ACSL1: variants seen among roughly 807,000 people sequenced by gnomAD.
ACSL1 encodes the protein long-chain-fatty-acid--CoA ligase 1.
In ACSL1, 41 loss-of-function variants were observed where a neutral mutation model predicts 98.4. That is an observed-to-expected ratio of 0.42 (90% CI 0.32 to 0.54). The LOEUF (loss-of-function observed/expected upper bound fraction) is 0.54, where lower values mean the gene tolerates loss of function less well. Ranked by LOEUF, ACSL1 falls within the 20% of genes least tolerant of loss-of-function variation. The pLI is 0.13. For synonymous variants in ACSL1, 316 were observed against 322.7 expected (o/e 0.98, Z 0.22); for missense variants, 734 against 883.1 (o/e 0.83, Z 2.14).
intron 1 of ACSL1, chr4:184,815,093 CG>C (rs1772503008): frequency 2.2e-6 from 1 of 456,056 alleles, no homozygotes; most frequent in African/African-American, 2.0e-5. Context: ...CTGATAACCA[CG>C]GCAGGTAGGG....
chr4:184,803,250 T>C lies in ACSL1; in HGVS notation c.195+70A>G, dbSNP rs554162969. On this transcript the variant is annotated intron_variant, in intron 2 of 20. Transcript: ENST00000281455. This position sits in a 1 kb window ranked among gnomAD's most constrained non-coding sequence, Gnocchi z 4.8. ...ATATTTGATCTTGATGGCTATCACA[T>C]TCAACAGGGCTCAGCTCATCTGGGG... The C allele has an allele frequency of 1.6e-4, 215 of 1,339,260 alleles. No individual in the cohort carries two copies. The highest frequency in any genetic ancestry group is 2.1e-4 in the Middle Eastern group (1 of 4,740). The allele number at this position is 1,339,260 out of a possible 1,614,324, so 83.0% of individuals were successfully genotyped here.
At chr4:184,775,808 T>TC (rs1344289450) in intron 7 of ACSL1, among the ~76,000 whole-genome samples, 1 of 152,232 alleles carries the variant, frequency 6.6e-6, no homozygotes, top group African/African-American at 2.4e-5. Context: ...GACTCTGTTT[T>TC]CCTATGACTT....
chr4:184,791,077 G>A (rs1768267080), intron 2 of ACSL1, among the ~76,000 whole-genome samples: 1 of 152,220 alleles, frequency 6.6e-6, no homozygotes, highest in Admixed American at 6.5e-5. Flanking sequence ...AGACATGCAG[G>A]TGGCCTGGCC....
intron 2 of ACSL1, among the ~76,000 whole-genome samples, chr4:184,801,262 G>A (rs1041724859): frequency 1.3e-5 from 2 of 152,216 alleles, no homozygotes; most frequent in Admixed American, 6.5e-5. Flanking sequence ...CGTGGGTTGT[G>A]ATGAGAAGTG....
chr4:184,808,538 C>G, intron 1 of ACSL1: 1 of 979,324 alleles, frequency 1.0e-6, no homozygotes, highest in Non-Finnish European at 1.2e-6. Context: ...TGCTGCCATT[C>G]CGTGCCCCGC....
intron 17 of ACSL1, among the ~76,000 whole-genome samples, chr4:184,760,878 C>T (rs1178341272): frequency 6.6e-6 from 1 of 152,252 alleles, no homozygotes. Flanking sequence ...ATAGCAGGAA[C>T]ACAACTTTTC....
chr4:184,800,559 A>C (rs140102822), intron 2 of ACSL1, among the ~76,000 whole-genome samples: 1 of 152,328 alleles, frequency 6.6e-6, no homozygotes, highest in African/African-American at 2.4e-5. Context: ...AAAAGAAAGC[A>C]AACCCACAAA....
At position 184,803,461 on chromosome 4, in the gene ACSL1, G is replaced by T; in HGVS notation, c.54C>A (p.Phe18Leu). 1 of 1,612,198 alleles carries T rather than the reference G, an allele frequency of 6.2e-7. No individual in the cohort carries two copies. The highest frequency in any genetic ancestry group is 2.2e-5 in the East Asian group (1 of 44,806). The change falls in exon 2 of 21, where the codon TTC becomes TTA. Residue 18 changes from phenylalanine to leucine, a missense_variant. Coordinates refer to ENST00000281455, the MANE Select transcript of ACSL1 (RefSeq NM_001995.5). This position sits in a 1 kb window ranked among gnomAD's most constrained non-coding sequence, Gnocchi z 4.8. The stretch of plus-strand genomic sequence containing the variant: ...TCGGAAGAGTACGCACGTACTGTCG[G>T]AAGTCAACCAGCTCTGGCATTCGAA... ...RYFRMPELVD[F>L]RQYVRTLPTN...
chr4:184,776,716 C>T, intron 6 of ACSL1, 54 bp from the exon 7 acceptor site: 1 of 1,570,440 alleles, frequency 6.4e-7, no homozygotes, highest in South Asian at 1.2e-5. Flanking sequence ...AAAAGATTCA[C>T]TCTGTCATAT....
chr4:184,805,443 G>T (rs1771276541), intron 1 of ACSL1: 3 of 984,608 alleles, frequency 3.0e-6, no homozygotes, highest in Non-Finnish European at 3.6e-6. Flanking sequence ...GGTTTACCAT[G>T]ACAGCAAAGA....
chr4:184,799,114 T>C (rs1483063213), intron 2 of ACSL1: 1 of 145,254 alleles, frequency 6.9e-6, no homozygotes, highest in East Asian at 2.0e-4. Flanking sequence ...CATTACCTGA[T>C]TCTTTTTTTT....
intron 3 of ACSL1, among the ~76,000 whole-genome samples, chr4:184,786,426 A>ACACACACACACG (rs1561210987): frequency 7.8e-5 from 10 of 128,538 alleles, no homozygotes; most frequent in African/African-American, 2.1e-4. Context: ...AAGCACACAC[A>ACACACACACACG]CACACACACA....
At chr4:184,826,447 G>A (rs1399188161), upstream of ACSL1, 1 of 152,416 alleles carries the variant, frequency 6.6e-6, no homozygotes, top group Non-Finnish European at 1.5e-5. Context: ...TGGAGGCAAG[G>A]GCCTTCCTCT....
chr4:184,765,934 G>A lies in ACSL1; in HGVS notation c.1316C>T (p.Ser439Phe), dbSNP rs780057916. The A allele has an allele frequency of 6.2e-7, 1 of 1,614,068 alleles. No homozygotes were observed. Among genetic ancestry groups the A allele is most frequent in the Non-Finnish European group, 8.5e-7 (1 of 1,180,010 alleles). ...RLMVTGAAPV[S>F]ATVLTFLRAA... ...TCTGAGGAACGTCAGCACAGTGGCA[G>A]ACACCGGGGCGGCTCCTGTCACCAT... The change falls in exon 14 of 21, where the codon TCT (serine) becomes TTT (phenylalanine). Residue 439 changes from serine to phenylalanine, a missense_variant. Ser to Phe is a radical substitution (Grantham distance 155). Transcript: ENST00000281455.
At chr4:184,822,508 G>A (rs1773137587) in intron 1 of ACSL1, among the ~76,000 whole-genome samples, 1 of 152,194 alleles carries the variant, frequency 6.6e-6, no homozygotes, top group Non-Finnish European at 1.5e-5. Context: ...GGAGGCCAAG[G>A]AGGGCAAATC....
chr4:184,762,984 T>C (rs1252348502), intron 16 of ACSL1, among the ~76,000 whole-genome samples, 183 bp downstream of exon 16: 23 of 152,164 alleles, frequency 1.5e-4, no homozygotes, highest in Non-Finnish European at 1.5e-5. Context: ...GTGTCCCTCC[T>C]GCCCACTCCC....
intron 7 of ACSL1, among the ~76,000 whole-genome samples, chr4:184,775,998 A>C (rs747576001): frequency 2.0e-5 from 3 of 152,136 alleles, no homozygotes; most frequent in Non-Finnish European, 4.4e-5. Flanking sequence ...GATTGGTATG[A>C]CTCTTAAGAG....
chr4:184,770,275 T>C lies in ACSL1; in HGVS notation c.993+124A>G, dbSNP rs1308320535. ...CTTACCTTCAATAACTGTTCATAAATGTGAGCAAGTGGTAAATATGAAATG... is the reference window on the plus strand; with the variant it reads ...CTTACCTTCAATAACTGTTCATAAACGTGAGCAAGTGGTAAATATGAAATG... On this transcript the variant is annotated intron_variant, in intron 11 of 20. Coordinates refer to ENST00000281455, the MANE Select transcript of ACSL1 (RefSeq NM_001995.5). 6 of 1,546,014 alleles carry C rather than the reference T, an allele frequency of 3.9e-6. No individual in the cohort carries two copies. The African/African-American group carries it at 6.8e-5, about 18-fold the overall frequency.
At chr4:184,770,973 A>G (rs1229163043) in intron 10 of ACSL1, among the ~76,000 whole-genome samples, 3 of 152,094 alleles carry the variant, frequency 2.0e-5, no homozygotes, top group Admixed American at 6.5e-5. Context: ...AAAATACAAA[A>G]ATTAGCCAGA....
Sources: allele counts gnomAD v4.1 joint callset (sites outside exome capture counted in the v4.1 genomes callset), GRCh38; gene constraint gnomAD v4.1.1; non-coding constraint Gnocchi (gnomAD v3.1); transcripts MANE v1.5; gene names NCBI Gene and HGNC (gene_info 2026-07-23, HGNC 2026-07-21).